BCAS4: variants seen among roughly 807,000 people sequenced by gnomAD.
BCAS4 encodes breast carcinoma amplified sequence 4.
In BCAS4, 9 loss-of-function variants were observed where a neutral mutation model predicts 15.7. The ratio of observed to expected loss-of-function variants is 0.57; its 90% CI spans 0.34 to 1.00. The LOEUF is 1.00. Among genes scored for constraint, BCAS4 ranks in the 50% least tolerant of loss-of-function variants. BCAS4 has a pLI of 0.02. For missense variants in BCAS4, 225 were observed against 239.1 expected (o/e 0.94, Z 0.39); for synonymous variants, 101 against 99.5 (o/e 1.02, Z -0.09).
intron 4 of BCAS4, among the ~76,000 whole-genome samples, chr20:50,866,273 G>A (rs577100026): frequency 3.0e-4 from 45 of 152,336 alleles, no homozygotes; most frequent in Non-Finnish European, 6.0e-4. Context: ...AGGGCTCAGG[G>A]TAAGCAGAGG....
chr20:50,842,437 A>G (rs1380039751), intron 4 of BCAS4, among the ~76,000 whole-genome samples: 1 of 152,066 alleles, frequency 6.6e-6, no homozygotes, highest in African/African-American at 2.4e-5. Context: ...CTTGTTTTGA[A>G]ATGGGGTCTC....
intron 1 of BCAS4, 72 bp downstream of exon 1, chr20:50,795,245 T>G: frequency 8.1e-7 from 1 of 1,232,830 alleles, no homozygotes; most frequent in Non-Finnish European, 1.0e-6. Flanking sequence ...GACCCTCGGC[T>G]TCCCCGGAGC....
At chr20:50,796,452 C>CACATATAT (rs2087858705) in intron 1 of BCAS4, among the ~76,000 whole-genome samples, 1 of 21,148 alleles carries the variant, frequency 4.7e-5, no homozygotes, top group Non-Finnish European at 7.7e-5. Flanking sequence ...TCTTTTTCTC[C>CACATATAT]ATATATATAT....
At chr20:50,812,041 T>A (rs1216441042) in intron 1 of BCAS4, among the ~76,000 whole-genome samples, 1 of 152,248 alleles carries the variant, frequency 6.6e-6, no homozygotes, top group Non-Finnish European at 1.5e-5. Context: ...GCTCCATTAC[T>A]TTTTATGGAC....
At chr20:50,852,164 G>T (rs761998202) in intron 4 of BCAS4, among the ~76,000 whole-genome samples, 5 of 152,182 alleles carry the variant, frequency 3.3e-5, no homozygotes, top group Non-Finnish European at 7.3e-5. Flanking sequence ...TTTTAACAAA[G>T]CCAGGGCCTG....
intron 4 of BCAS4, among the ~76,000 whole-genome samples, chr20:50,870,777 G>A (rs1009075764): frequency 2.5e-4 from 38 of 152,256 alleles, no homozygotes; most frequent in African/African-American, 8.2e-4. Flanking sequence ...TGCCCTGCAG[G>A]TCTGGGAACT....
At chr20:50,840,519 C>A (rs1428601597) in intron 3 of BCAS4, 3 of 1,384,400 alleles carry the variant, frequency 2.2e-6, no homozygotes, top group Non-Finnish European at 2.1e-6. Flanking sequence ...CTTGATCCAA[C>A]CTCTTTGCAT....
intron 1 of BCAS4, among the ~76,000 whole-genome samples, chr20:50,809,215 T>G (rs2088031287): frequency 6.6e-6 from 1 of 152,118 alleles, no homozygotes; most frequent in Admixed American, 6.6e-5. Context: ...AATTTTTTTT[T>G]TTTAATTTTT....
chr20:50,798,025 A>G (rs2087887409), intron 1 of BCAS4, among the ~76,000 whole-genome samples: 1 of 151,570 alleles, frequency 6.6e-6, no homozygotes. Context: ...GCCAGGCACC[A>G]TGGCTCATAC....
At chr20:50,798,791 G>C (rs2087895412) in intron 1 of BCAS4, among the ~76,000 whole-genome samples, 1 of 152,172 alleles carries the variant, frequency 6.6e-6, no homozygotes, top group African/African-American at 2.4e-5. Context: ...CCATTCCTGA[G>C]CACATACTGT....
intron 4 of BCAS4, among the ~76,000 whole-genome samples, chr20:50,870,744 C>G (rs889255142): frequency 6.6e-6 from 1 of 152,254 alleles, no homozygotes; most frequent in African/African-American, 2.4e-5. Flanking sequence ...CAAAGCCGAC[C>G]CAGCACACAT....
At chr20:50,881,371 A>G (rs1980114202), downstream of BCAS4, 1 of 152,248 alleles carries the variant, frequency 6.6e-6, no homozygotes, top group South Asian at 2.1e-4. Context: ...CGGAAAACTC[A>G]ACCAAAAAAT....
intron 4 of BCAS4, among the ~76,000 whole-genome samples, chr20:50,869,599 G>A (rs942114315): frequency 6.6e-6 from 1 of 152,178 alleles, no homozygotes; most frequent in South Asian, 2.1e-4. Context: ...TTGCAACTGG[G>A]TAGCCATGTC....
chr20:50,815,922 C>T (rs187775928), intron 1 of BCAS4, among the ~76,000 whole-genome samples: 43 of 152,138 alleles, frequency 2.8e-4, no homozygotes, highest in South Asian at 8.3e-4. Context: ...ATGTGCTTGG[C>T]GAACTTTCTT....
chr20:50,866,601 G>A (rs1244601804), intron 4 of BCAS4, among the ~76,000 whole-genome samples: 1 of 152,230 alleles, frequency 6.6e-6, no homozygotes, highest in African/African-American at 2.4e-5. Flanking sequence ...GACCAAAGGT[G>A]ACCCGTTTGT....
chr20:50,866,419 C>T (rs138179643), intron 4 of BCAS4, among the ~76,000 whole-genome samples: 7 of 152,326 alleles, frequency 4.6e-5, no homozygotes, highest in Middle Eastern at 3.4e-3. Flanking sequence ...AACCAGACAG[C>T]GCATGTCGTG....
Position 50,851,926 on chromosome 20 carries a change from C to T in BCAS4, c.399+10026C>T, listed in dbSNP as rs1247793562. On this transcript the variant is annotated intron_variant, in intron 4 of 4. Coordinates refer to ENST00000371608, the MANE Select transcript of BCAS4 (RefSeq NM_198799.4). This position sits in a 1 kb window ranked among gnomAD's most constrained non-coding sequence, Gnocchi z 4.3. ...GCACATGGCCTCATCTGCATTTTCT[C>T]CTGTTGTTCCCCTAGCCTGAGAGCT... 1.3e-5 allele frequency among the ~76,000 whole-genome samples: 2 copies of T among 152,232 alleles called. No homozygotes were observed. Among genetic ancestry groups the T allele is most frequent in the East Asian group, 1.9e-4 (1 of 5,194 alleles).
intron 1 of BCAS4, among the ~76,000 whole-genome samples, chr20:50,802,718 A>T (rs1408708124): frequency 6.6e-6 from 1 of 152,192 alleles, no homozygotes; most frequent in Non-Finnish European, 1.5e-5. Flanking sequence ...CTAAAAAAAT[A>T]CAAAAATTAG....
chr20:50,797,197 C>G (rs556529099), intron 1 of BCAS4, among the ~76,000 whole-genome samples: 1 of 152,268 alleles, frequency 6.6e-6, no homozygotes, highest in African/African-American at 2.4e-5. Flanking sequence ...CTGCAACTTG[C>G]TTTTCTTTAC....
Sources: allele counts gnomAD v4.1 joint callset (sites outside exome capture counted in the v4.1 genomes callset), GRCh38; gene constraint gnomAD v4.1.1; non-coding constraint Gnocchi (gnomAD v3.1); transcripts MANE v1.5; gene names NCBI Gene and HGNC (gene_info 2026-07-23, HGNC 2026-07-21).